The following AADAT variants were observed in gnomAD, a reference collection of about 807,000 sequenced individuals.
AADAT encodes kynurenine/alpha-aminoadipate aminotransferase, mitochondrial.
In AADAT, 25 loss-of-function variants were observed where a neutral mutation model predicts 56.2. The ratio of observed to expected loss-of-function variants is 0.44; its 90% CI spans 0.32 to 0.62. The LOEUF is 0.62. AADAT is among the 20% of genes least tolerant of loss of function. AADAT has a pLI of 0.04. For synonymous variants in AADAT, 173 were observed against 164.7 expected (o/e 1.05, Z -0.39); for missense variants, 387 against 510.5 (o/e 0.76, Z 2.33).
At chr4:170,087,562 T>G (rs2111215378) in intron 2 of AADAT, among the ~76,000 whole-genome samples, 1 of 152,296 alleles carries the variant, frequency 6.6e-6, no homozygotes, top group Middle Eastern at 3.4e-3. Flanking sequence ...AATCGATTCT[T>G]TGTTCTCTCT....
chr4:170,091,325 G>A (rs1011066489), upstream of AADAT, among the ~76,000 whole-genome samples: 7 of 152,232 alleles, frequency 4.6e-5, no homozygotes, highest in Admixed American at 2.0e-4. Flanking sequence ...CACTCAGAGC[G>A]GCGGGCCGGC....
At chr4:170,082,886 A>C (rs922122549) in intron 3 of AADAT, among the ~76,000 whole-genome samples, 1 of 152,038 alleles carries the variant, frequency 6.6e-6, no homozygotes, top group Non-Finnish European at 1.5e-5. Flanking sequence ...CAACCTCCCA[A>C]GTATACAAAT....
chr4:170,087,972 T>A (rs752717159), intron 2 of AADAT, among the ~76,000 whole-genome samples: 15 of 150,680 alleles, frequency 1.0e-4, no homozygotes, highest in Admixed American at 4.6e-4. Context: ...AGATCCAGGA[T>A]GCTTAAACTT....
chr4:170,072,724 T>C (rs931412772), intron 5 of AADAT, among the ~76,000 whole-genome samples: 1 of 152,166 alleles, frequency 6.6e-6, no homozygotes, highest in African/African-American at 2.4e-5. Flanking sequence ...GTATCTCAAA[T>C]AGATTTTATG....
Position 170,066,446 on chromosome 4 carries a change from G to A in AADAT, c.995C>T (p.Ala332Val). 1 of 1,613,638 alleles carries A rather than the reference G, an allele frequency of 6.2e-7. No homozygotes were observed. Among genetic ancestry groups the A allele is most frequent in the East Asian group, 2.2e-5 (1 of 44,856 alleles). The change falls in exon 10 of 13, where the codon GCA becomes GTA. Residue 332 changes from alanine (A) to valine (V), a missense_variant. Coordinates refer to ENST00000337664, the MANE Select transcript of AADAT (RefSeq NM_016228.4). The part of the protein sequence containing the change: ...VIDFYSNQKD[A>V]ILAAADKWLT... Reference sequence around the variant, plus strand: ...CCACTTGTCTGCAGCTGCCAGTATTGCATCCTTCTGGTTACTATAGAAATC... The same window carrying A: ...CCACTTGTCTGCAGCTGCCAGTATTACATCCTTCTGGTTACTATAGAAATC...
chr4:170,069,006 A>T, intron 7 of AADAT, 142 bp downstream of exon 7: 1 of 677,100 alleles, frequency 1.5e-6, no homozygotes, highest in Non-Finnish European at 2.4e-6. Flanking sequence ...GGCCTGTGTT[A>T]ATATTAATCA....
chr4:170,089,362 C>T (rs1029243083), intron 1 of AADAT: 31 of 590,166 alleles, frequency 5.3e-5, no homozygotes, highest in Non-Finnish European at 8.5e-5. Flanking sequence ...CTTCCAAGGC[C>T]GTGCCCCACA....
intron 5 of AADAT, 137 bp downstream of exon 5, chr4:170,072,999 A>G: frequency 1.4e-6 from 1 of 720,052 alleles, no homozygotes; most frequent in Admixed American, 3.1e-5. Context: ...GACCCTGAGC[A>G]TATATGATTT....
chr4:170,075,115 T>C (rs1449470727), intron 4 of AADAT, among the ~76,000 whole-genome samples: 1 of 152,218 alleles, frequency 6.6e-6, no homozygotes, highest in Non-Finnish European at 1.5e-5. Flanking sequence ...TCCTCAAAGC[T>C]TGGCATACAG....
chr4:170,073,260 C>A lies in AADAT; in HGVS notation c.530G>T (p.Arg177Ile), dbSNP rs765548846. 1.2e-6 allele frequency: 2 copies of A among 1,614,092 alleles called. No individual in the cohort carries two copies. The highest frequency in any genetic ancestry group is 1.7e-6 in the Non-Finnish European group (2 of 1,180,022). ...ATTCTTTGCATCTTCTGGTTTCCAT[C>A]TGGAAAGTATGTCTCTTAGGGAATC... is the stretch of plus-strand genomic sequence containing the variant. ...VPDSLRDILSRWKPEDAKNPQ... is the reference protein window; with the variant it reads ...VPDSLRDILSIWKPEDAKNPQ... The change falls in exon 5 of 13, where the codon AGA becomes ATA. Residue 177 changes from arginine to isoleucine, a missense_variant. By Grantham distance (97) the Arg-to-Ile change is moderately conservative (BLOSUM62 -3). Coordinates refer to ENST00000337664, the MANE Select transcript of AADAT (RefSeq NM_016228.4).
intron 4 of AADAT, among the ~76,000 whole-genome samples, chr4:170,075,333 T>C (rs1031879388): frequency 2.8e-4 from 42 of 152,238 alleles, no homozygotes; most frequent in Non-Finnish European, 1.8e-4. Flanking sequence ...ATTTTAAGCC[T>C]TTTTTGTTTG....
At chr4:170,089,264 G>A in intron 1 of AADAT, 1 of 486,320 alleles carries the variant, frequency 2.1e-6, no homozygotes. Flanking sequence ...CATTTACCTG[G>A]CCCTCTCCAC....
At chr4:170,083,030 T>G (rs920639011) in intron 3 of AADAT, among the ~76,000 whole-genome samples, 6 of 150,490 alleles carry the variant, frequency 4.0e-5, no homozygotes, top group Admixed American at 2.7e-4. Flanking sequence ...AACTACATAC[T>G]AGATCTAATA....
intron 10 of AADAT, among the ~76,000 whole-genome samples, chr4:170,065,333 T>TG (rs981563679): frequency 1.3e-5 from 2 of 152,294 alleles, no homozygotes; most frequent in Non-Finnish European, 2.9e-5. Flanking sequence ...CAGAAGCAGT[T>TG]GTGGGCTTTA....
At chr4:170,062,535 A>C (rs981008572) in intron 11 of AADAT, among the ~76,000 whole-genome samples, 3 of 152,210 alleles carry the variant, frequency 2.0e-5, no homozygotes. Context: ...AATGTATAAA[A>C]TGAAGAAATA....
At chr4:170,061,208 A>G (rs1731170586) in intron 12 of AADAT, among the ~76,000 whole-genome samples, 1 of 152,202 alleles carries the variant, frequency 6.6e-6, no homozygotes, top group Non-Finnish European at 1.5e-5. Flanking sequence ...CGTGGCCTTC[A>G]AGATCATTTT....
intron 7 of AADAT, 151 bp from the exon 8 acceptor site, chr4:170,068,838 TC>T: frequency 5.1e-6 from 3 of 584,220 alleles, no homozygotes; most frequent in Non-Finnish European, 5.8e-6. Context: ...ACTTCTTATT[TC>T]AAAAACAAAT....
chr4:170,069,040 T>A (rs1233083175), intron 7 of AADAT, 108 bp downstream of exon 7: 1 of 884,608 alleles, frequency 1.1e-6, no homozygotes, highest in Admixed American at 3.1e-5. Flanking sequence ...TTAAGACAAG[T>A]AGACTACAAG....
At chr4:170,061,313 A>AAAC (rs761099440) in intron 12 of AADAT, among the ~76,000 whole-genome samples, 6 of 152,216 alleles carry the variant, frequency 3.9e-5, no homozygotes, top group Admixed American at 6.5e-5. Context: ...TAATACATTA[A>AAAC]AACAGAGAGA....
Sources: gnomAD v4.1 joint callset for allele counts (sites outside exome capture counted in the v4.1 genomes callset) on GRCh38, gnomAD v4.1.1 for gene constraint, MANE v1.5 for transcripts, NCBI Gene and HGNC (gene_info 2026-07-23, HGNC 2026-07-21) for gene names.